PPFIA2: variants seen among roughly 807,000 people sequenced by gnomAD.
The protein encoded by PPFIA2 is PPFI scaffold protein A2, also known as liprin-alpha-2.
PPFIA2 carries 46 observed loss-of-function variants against 175.5 expected under a neutral mutation model. The ratio of observed to expected loss-of-function variants is 0.26; its 90% CI spans 0.21 to 0.34. The LOEUF is 0.34. Among genes scored for constraint, PPFIA2 ranks in the 10% least tolerant of loss-of-function variants. The probability of loss-of-function intolerance (pLI) is 1.00; values close to 1 mark genes in which losing one functional copy is unlikely to be tolerated. For synonymous variants in PPFIA2, 568 were observed against 511.4 expected, an observed-to-expected ratio of 1.11 and a Z score of -1.49; for missense variants, 1,179 against 1,506.1, an observed-to-expected ratio of 0.78 and a Z score of 3.60.
chr12:81,512,432 C>T, intron 4 of PPFIA2: 1 of 990,368 alleles, frequency 1.0e-6, no homozygotes, highest in African/African-American at 1.7e-5. Context: ...TGGAATTTTT[C>T]TTTAATCTAA....
chr12:81,369,086 G>T, intron 12 of PPFIA2, 25 bp downstream of exon 12: 1 of 1,528,674 alleles, frequency 6.5e-7, no homozygotes, highest in Non-Finnish European at 9.0e-7. Context: ...AATGATTGGG[G>T]GGTAATAGTT....
At chr12:81,377,069 G>A (rs1188481333) in intron 9 of PPFIA2, among the ~76,000 whole-genome samples, 1 of 151,688 alleles carries the variant, frequency 6.6e-6, no homozygotes, top group Non-Finnish European at 1.5e-5. Flanking sequence ...CATAAATTTT[G>A]TTTAAATAAA....
chr12:81,611,083 T>C (rs768026551), intron 4 of PPFIA2, among the ~76,000 whole-genome samples: 144 of 152,216 alleles, frequency 9.5e-4, no homozygotes, highest in South Asian at 8.3e-4. Flanking sequence ...CCCTGACTCT[T>C]CTACTTCCTA....
At chr12:81,527,095 T>C (rs2063818474) in intron 4 of PPFIA2, among the ~76,000 whole-genome samples, 1 of 152,150 alleles carries the variant, frequency 6.6e-6, no homozygotes, top group Non-Finnish European at 1.5e-5. Context: ...AATAAAAATA[T>C]TCGTGTCTTA....
chr12:81,573,384 G>T (rs1835427146), intron 4 of PPFIA2, among the ~76,000 whole-genome samples: 1 of 151,750 alleles, frequency 6.6e-6, no homozygotes, highest in Non-Finnish European at 1.5e-5. Flanking sequence ...ACACAAAAGT[G>T]GTTTATACTT....
At chr12:81,273,349 T>C (rs1317486263) in intron 28 of PPFIA2, among the ~76,000 whole-genome samples, 4 of 152,042 alleles carry the variant, frequency 2.6e-5, no homozygotes, top group Non-Finnish European at 5.9e-5. Flanking sequence ...CCTGCTTCTC[T>C]GTTAGATAGA....
At chr12:81,688,119 A>G (rs1364549595) in intron 3 of PPFIA2, among the ~76,000 whole-genome samples, 1 of 152,022 alleles carries the variant, frequency 6.6e-6, no homozygotes, top group African/African-American at 2.4e-5. Context: ...AACATTTTTC[A>G]CCAGTCATAT....
At position 81,758,675 on chromosome 12, in the gene PPFIA2, T is replaced by G. The variant is rs376994398; in HGVS notation, c.-110-168A>C. ...AAAATGGCATATTACAAATTTTGCT[T>G]TGGGAAGCAAAGCTCGGTTCAGACC... On this transcript the variant is annotated intron_variant, in intron 1 of 32. Transcript: ENST00000549396. 3 of 330,690 alleles carry G rather than the reference T, an allele frequency of 9.1e-6. No homozygotes were observed. In the East Asian group the frequency reaches 2.4e-4, roughly 26 times the overall value. The allele number at this position is 330,690 out of a possible 1,614,324, so 20.5% of individuals were successfully genotyped here.
chr12:81,720,323 T>C (rs898357322), intron 3 of PPFIA2, among the ~76,000 whole-genome samples: 1 of 151,530 alleles, frequency 6.6e-6, no homozygotes, highest in African/African-American at 2.4e-5. Flanking sequence ...TTGCTTTAAA[T>C]TACTGACACT....
chr12:81,375,170 T>A (rs1214579097), intron 10 of PPFIA2, among the ~76,000 whole-genome samples: 1 of 152,122 alleles, frequency 6.6e-6, no homozygotes, highest in Non-Finnish European at 1.5e-5. Flanking sequence ...TGACAAACAT[T>A]TTCTGTAACA....
At chr12:81,267,089 T>A in intron 29 of PPFIA2, 69 bp from the exon 30 acceptor site, 6 of 1,149,122 alleles carry the variant, frequency 5.2e-6, no homozygotes, top group Non-Finnish European at 6.4e-6. Context: ...GTAGCTTATA[T>A]TTATCTGATA....
intron 4 of PPFIA2, among the ~76,000 whole-genome samples, chr12:81,633,481 G>A (rs2063627223): frequency 6.6e-6 from 1 of 152,026 alleles, no homozygotes; most frequent in African/African-American, 2.4e-5. Context: ...ATATTCTGAA[G>A]TTCACCTGGG....
chr12:81,498,317 C>T (rs965700192), intron 4 of PPFIA2, among the ~76,000 whole-genome samples: 41 of 152,206 alleles, frequency 2.7e-4, no homozygotes, highest in African/African-American at 9.6e-4. Context: ...TACTCTGTTC[C>T]AGGATCCAAT....
intron 4 of PPFIA2, among the ~76,000 whole-genome samples, chr12:81,633,691 C>T (rs780882698): frequency 1.3e-5 from 2 of 151,826 alleles, no homozygotes; most frequent in East Asian, 1.9e-4. Flanking sequence ...AACTAAGGAT[C>T]GCATTTATAT....
At chr12:81,510,995 T>C (rs953396520) in intron 4 of PPFIA2, among the ~76,000 whole-genome samples, 3 of 152,086 alleles carry the variant, frequency 2.0e-5, no homozygotes, top group Non-Finnish European at 4.4e-5. Flanking sequence ...AATCTTCAAA[T>C]GGCAGCTGGG....
chr12:81,292,197 G>T (rs1785273568), intron 24 of PPFIA2: 1 of 152,042 alleles, frequency 6.6e-6, no homozygotes, highest in African/African-American at 2.4e-5. Flanking sequence ...GTTTGCATTT[G>T]CTCTTGGGAG....
chr12:81,559,564 C>T (rs948816067), intron 4 of PPFIA2, among the ~76,000 whole-genome samples: 2 of 151,978 alleles, frequency 1.3e-5, no homozygotes, highest in African/African-American at 4.8e-5. Flanking sequence ...AAAATTATAC[C>T]CTTATAATTA....
At chr12:81,706,216 A>G (rs879479036) in intron 3 of PPFIA2, among the ~76,000 whole-genome samples, 3 of 152,196 alleles carry the variant, frequency 2.0e-5, no homozygotes, top group East Asian at 3.9e-4. Flanking sequence ...TTCTAAAACA[A>G]TATGTAATAT....
chr12:81,294,112 A>C (rs759549169), intron 24 of PPFIA2, among the ~76,000 whole-genome samples: 22 of 152,106 alleles, frequency 1.4e-4, no homozygotes, highest in Non-Finnish European at 2.1e-4. Flanking sequence ...GACAGGTAGA[A>C]GGAAATAACA....
Sources: allele counts gnomAD v4.1 joint callset (sites outside exome capture counted in the v4.1 genomes callset), GRCh38; gene constraint gnomAD v4.1.1; transcripts MANE v1.5; gene names NCBI Gene and HGNC (gene_info 2026-07-23, HGNC 2026-07-21).